DICER1: variants seen among roughly 807,000 people sequenced by gnomAD.
DICER1 encodes the protein dicer 1, ribonuclease III, also known as endoribonuclease Dicer.
DICER1 carries 43 observed loss-of-function variants against 194.1 expected under a neutral mutation model. That is an observed-to-expected ratio of 0.22 (90% CI 0.17 to 0.29). DICER1 has a LOEUF of 0.29. Among genes scored for constraint, DICER1 ranks in the 10% least tolerant of loss-of-function variants. The pLI is 1.00. For missense variants in DICER1, 1,608 were observed against 2,317.0 expected (o/e 0.69, Z 6.28); for synonymous variants, 832 against 820.5 (o/e 1.01, Z -0.24).
intron 1 of DICER1, among the ~76,000 whole-genome samples, chr14:95,153,269 C>T (rs1895634367): frequency 6.6e-6 from 1 of 151,880 alleles, no homozygotes; most frequent in Non-Finnish European, 1.5e-5. Flanking sequence ...TCCTCACTGC[C>T]CATGTTGTCC....
At position 95,096,199 on chromosome 14, in the gene DICER1, C is replaced by G. The variant is rs1236067722; in HGVS notation, c.4721G>C (p.Cys1574Ser). ...EALLGCYLTS[C>S]GERAAQLFLC... ...GAAAAGCTGAGCAGCCCTCTCCCCACAGCTGGTTAAATAGCAGCCCAGCAG... is the reference window on the plus strand; with the variant it reads ...GAAAAGCTGAGCAGCCCTCTCCCCAGAGCTGGTTAAATAGCAGCCCAGCAG... Residue 1574 changes from cysteine to serine, a missense_variant, in exon 23 of 27, where the codon TGT becomes TCT. Transcript: ENST00000343455. 1.9e-6 allele frequency: 3 copies of G among 1,614,128 alleles called. No homozygotes were observed. In the Admixed American group the frequency reaches 5.0e-5, roughly 27 times the overall value.
Position 95,089,845 on chromosome 14 carries a change from C to G in DICER1, c.*653G>C, listed in dbSNP as rs1004000162. On this transcript the variant is annotated 3_prime_UTR_variant, in exon 27 of 27. Coordinates refer to ENST00000343455, the MANE Select transcript of DICER1 (RefSeq NM_177438.3). ...AAGGTTTCACTTTTAAGGCAAGAAC[C>G]CTTTTTTATGCAAGACTATGTGGCA... 6 of 232,362 alleles carry G rather than the reference C, an allele frequency of 2.6e-5. No individual in the cohort carries two copies. Among genetic ancestry groups the G allele is most frequent in the African/African-American group, 8.8e-5 (4 of 45,342 alleles). 14.4% of individuals were successfully genotyped at this position (232,362 alleles called of 1,614,324 possible).
intron 1 of DICER1, among the ~76,000 whole-genome samples, chr14:95,147,041 A>T (rs1895182126): frequency 6.6e-6 from 1 of 152,240 alleles, no homozygotes; most frequent in African/African-American, 2.4e-5. Context: ...TTTTTCCTTT[A>T]AACTTTTCAG....
chr14:95,139,490 T>C (rs1010497524), intron 1 of DICER1, among the ~76,000 whole-genome samples: 4 of 152,228 alleles, frequency 2.6e-5, no homozygotes, highest in African/African-American at 4.8e-5. Context: ...CTATCACAGA[T>C]TTTTAGAGCT....
rs1484416477 is a variant in DICER1, at chr14:95,103,887, G to A, written c.3509C>T (p.Ala1170Val). 1 of 1,614,152 alleles carries A rather than the reference G, an allele frequency of 6.2e-7. No homozygotes were observed. Among genetic ancestry groups the A allele is most frequent in the South Asian group, 1.1e-5 (1 of 91,074 alleles). The change falls in exon 21 of 27, where the codon GCA (alanine) becomes GTA (valine). Residue 1170 changes from alanine to valine, a missense_variant. Physicochemically the swap from Ala to Val is moderately conservative, Grantham distance 64 (BLOSUM62 0). Coordinates refer to ENST00000343455, the MANE Select transcript of DICER1 (RefSeq NM_177438.3). ...AAGACCATTAATTGCTGTAAGATCT[G>A]CTGAAACTTCAACGTGGAGCTTACC... ...SPGKLHVEVS[A>V]DLTAINGLSY...
intron 24 of DICER1, among the ~76,000 whole-genome samples, chr14:95,091,787 C>A (rs1026265265): frequency 1.1e-4 from 17 of 152,110 alleles, no homozygotes; most frequent in African/African-American, 3.9e-4. Flanking sequence ...GGTGCTGGCA[C>A]GGGTGTATGC....
Position 95,090,515 on chromosome 14 carries a change from G to A in DICER1, c.5752C>T (p.Gln1918Ter), listed in dbSNP as rs2139765399. The change falls in exon 27 of 27, where the codon CAG (glutamine) becomes TAG (stop). Residue 1918 changes from glutamine (Q) to a stop codon, truncating the protein, a stop_gained. Transcript: ENST00000343455. LOFTEE classifies it high-confidence loss of function. ...ALRSLKANQP[Q>*]VPNS ...AAGCGGTTTCAGCTATTGGGAACCT[G>A]AGGTTGATTAGCTTTGAGGCTTCGG... 1 of 1,614,000 alleles carries A rather than the reference G, an allele frequency of 6.2e-7. No homozygotes were observed. The highest frequency in any genetic ancestry group is 8.5e-7 in the Non-Finnish European group (1 of 1,180,026).
chr14:95,099,743 C>G (rs575559134), intron 22 of DICER1, 37 bp downstream of exon 22: 1 of 1,147,164 alleles, frequency 8.7e-7, no homozygotes, highest in Non-Finnish European at 1.2e-6. Flanking sequence ...CACACACACA[C>G]ACACACACAC....
rs868786342 is a variant in DICER1 at position 95,096,252 on chromosome 14, G to A, written c.4668C>T (p.Asp1556=). Reference sequence around the variant, plus strand: ...CTTCCACACAGTCCGCTATGCTTTTGTCAGCAATACACTGCTCAGTGTGCA... The same window carrying A: ...CTTCCACACAGTCCGCTATGCTTTTATCAGCAATACACTGCTCAGTGTGCA... ...YDLHTEQCIA[D]KSIADCVEAL... The change falls in exon 23 of 27, where the codon GAC becomes GAT. Residue 1556 remains aspartate, a synonymous_variant. Coordinates refer to ENST00000343455, the MANE Select transcript of DICER1 (RefSeq NM_177438.3). The A allele has an allele frequency of 1.2e-6, 2 of 1,614,194 alleles. No homozygotes were observed. The highest frequency in any genetic ancestry group is 1.3e-5 in the African/African-American group (1 of 75,048).
chr14:95,127,594 C>T (rs559850323), intron 6 of DICER1, among the ~76,000 whole-genome samples: 5 of 152,280 alleles, frequency 3.3e-5, no homozygotes, highest in Admixed American at 6.5e-5. Flanking sequence ...AGGTTTTGGT[C>T]GCATTTTGGC....
intron 7 of DICER1, among the ~76,000 whole-genome samples, chr14:95,125,291 G>A (rs1308918499): frequency 6.6e-6 from 1 of 151,684 alleles, no homozygotes; most frequent in Non-Finnish European, 1.5e-5. Flanking sequence ...CTGCACTGGG[G>A]CAGCCTCCAC....
At chr14:95,150,892 C>T (rs1189807484) in intron 1 of DICER1, among the ~76,000 whole-genome samples, 1 of 152,154 alleles carries the variant, frequency 6.6e-6, no homozygotes, top group African/African-American at 2.4e-5. Context: ...GGAACAGAGT[C>T]TCGCTCTGTT....
chr14:95,125,729 G>C (rs1157126318), intron 7 of DICER1, among the ~76,000 whole-genome samples: 1 of 62,984 alleles, frequency 1.6e-5, no homozygotes, highest in Non-Finnish European at 3.3e-5. Flanking sequence ...GGGAGGAAGA[G>C]GGGGAGGGGA....
Position 95,113,168 on chromosome 14 carries a change from G to A in DICER1, c.1964C>T (p.Thr655Ile), listed in dbSNP as rs1892133207. 1 of 1,613,436 alleles carries A rather than the reference G, an allele frequency of 6.2e-7. No homozygotes were observed. Among genetic ancestry groups the A allele is most frequent in the Non-Finnish European group, 8.5e-7 (1 of 1,179,360 alleles). Residue 655 changes from threonine to isoleucine, a missense_variant, in exon 12 of 27, where the codon ACC becomes ATC. Physicochemically the swap from Thr to Ile is moderately conservative, Grantham distance 89 (BLOSUM62 -1). Around this residue, in one of 10 missense-constraint regions of DICER1, gnomAD observed 657 missense variants for 910.1 expected, o/e 0.72. Transcript: ENST00000343455. ...PFTHLAPKCR[T>I]RELPDGTFYS... ...AAATGTACCATCAGGCAACTCTCGG[G>A]TTCTGCATTTAGGAGCTAGATGAGT...
intron 21 of DICER1, among the ~76,000 whole-genome samples, chr14:95,100,545 G>A (rs1408296781): frequency 6.6e-6 from 1 of 152,064 alleles, no homozygotes; most frequent in African/African-American, 2.4e-5. Flanking sequence ...GAACCAAAAG[G>A]TTTCTGTTTA....
chr14:95,126,291 C>T (rs75177910), intron 7 of DICER1, among the ~76,000 whole-genome samples: 1 of 152,172 alleles, frequency 6.6e-6, no homozygotes, highest in Non-Finnish European at 1.5e-5. Context: ...ACTAACTCTT[C>T]TGACCAAAAA....
At chr14:95,130,344 T>G in intron 4 of DICER1, 152 bp from the exon 5 acceptor site, 1 of 722,454 alleles carries the variant, frequency 1.4e-6, no homozygotes, top group Non-Finnish European at 2.3e-6. Flanking sequence ...CATATAATTT[T>G]ATACATCAGA....
At chr14:95,115,552 G>GC in intron 11 of DICER1, 115 bp downstream of exon 11, 1 of 1,122,476 alleles carries the variant, frequency 8.9e-7, no homozygotes, top group East Asian at 2.4e-5. Context: ...CGAAAATATG[G>GC]CAAGTCTAAG....
In DICER1 at chr14:95,090,452, T is replaced by A. The variant is rs1200231957; in HGVS notation, c.*46A>T. ...TTTCCGATTTAAATAATTTTCCCCT[T>A]AATTTTTTTTGTTTTGTTTCTTGTT... On this transcript the variant is annotated 3_prime_UTR_variant, in exon 27 of 27. Transcript: ENST00000343455. The A allele has an allele frequency of 2.5e-6, 4 of 1,601,686 alleles. No homozygotes were observed. The highest frequency in any genetic ancestry group is 3.4e-6 in the Non-Finnish European group (4 of 1,170,398).
Sources: allele counts gnomAD v4.1 joint callset (sites outside exome capture counted in the v4.1 genomes callset), GRCh38; gene constraint gnomAD v4.1.1; regional missense constraint gnomAD v4.1.1; transcripts MANE v1.5; gene names NCBI Gene and HGNC (gene_info 2026-07-23, HGNC 2026-07-21).